The following TTC23L variants were observed in gnomAD, a reference collection of about 807,000 sequenced individuals.
TTC23L encodes the protein tetratricopeptide repeat domain 23 like, also known as tetratricopeptide repeat protein 23-like.
Under a neutral mutation model 48.1 loss-of-function variants are expected in TTC23L, and 42 were observed. The ratio of observed to expected loss-of-function variants is 0.87; its 90% CI spans 0.68 to 1.13. The LOEUF (loss-of-function observed/expected upper bound fraction) is 1.13, where lower values mean the gene tolerates loss of function less well. Ranked by LOEUF, TTC23L falls within the 50% of genes most tolerant of loss-of-function variation. The probability of loss-of-function intolerance (pLI) is 0.00; values close to 1 mark genes in which losing one functional copy is unlikely to be tolerated. For synonymous variants in TTC23L, 159 were observed against 157.2 expected (o/e 1.01, Z -0.09); for missense variants, 391 against 421.0 (o/e 0.93, Z 0.62).
At chr5:34,925,544 A>T in the TTC23L span, 2 of 1,504,672 alleles carry the variant, frequency 1.3e-6, no homozygotes, top group Admixed American at 3.9e-5. Flanking sequence ...TTTATTTTGT[A>T]TTCAATGTGT....
chr5:34,870,670 C>A (rs960016547), intron 8 of TTC23L, among the ~76,000 whole-genome samples: 3 of 152,152 alleles, frequency 2.0e-5, no homozygotes, highest in African/African-American at 7.2e-5. Flanking sequence ...CAGTTCAAGA[C>A]CTTTCATGTG....
chr5:34,894,103 G>GAA (rs1455990465), intron 9 of TTC23L, among the ~76,000 whole-genome samples: 2 of 152,164 alleles, frequency 1.3e-5, no homozygotes, highest in African/African-American at 2.4e-5. Flanking sequence ...GATATGTTGG[G>GAA]AAAAGTTAAT....
At chr5:34,913,552 A>C in the TTC23L span, 8 of 1,597,362 alleles carry the variant, frequency 5.0e-6, no homozygotes, top group Middle Eastern at 1.7e-4. Flanking sequence ...ACTCTTCCTG[A>C]ACTTTAAACT....
At chr5:34,874,058 G>A (rs979792753) in intron 8 of TTC23L, among the ~76,000 whole-genome samples, 1 of 152,112 alleles carries the variant, frequency 6.6e-6, no homozygotes, top group East Asian at 1.9e-4. Context: ...CAAGTAAAAA[G>A]CAAAATGAAA....
At chr5:34,924,167 T>A in the TTC23L span, among the ~76,000 whole-genome samples, 2 of 152,114 alleles carry the variant, frequency 1.3e-5, no homozygotes, top group Non-Finnish European at 2.9e-5. Flanking sequence ...ACTCTAGAAA[T>A]CTTGAAGCAG....
chr5:34,903,172 T>C (rs1242017046), downstream of TTC23L, among the ~76,000 whole-genome samples: 2 of 152,192 alleles, frequency 1.3e-5, no homozygotes, highest in East Asian at 1.9e-4. Context: ...AGTTTTTCTT[T>C]ATTGTCAGTG....
chr5:34,852,612 T>G (rs1759768411), intron 4 of TTC23L, among the ~76,000 whole-genome samples: 1 of 152,028 alleles, frequency 6.6e-6, no homozygotes, highest in Non-Finnish European at 1.5e-5. Context: ...ACCTAAAATG[T>G]AGAATGGGTG....
At chr5:34,907,431 C>T in the TTC23L span, 1 of 152,218 alleles carries the variant, frequency 6.6e-6, no homozygotes, top group Non-Finnish European at 1.5e-5. Context: ...CATGGAGGGA[C>T]ACTCAGCTGT....
chr5:34,918,465 T>C, the TTC23L span: 1 of 1,594,268 alleles, frequency 6.3e-7, no homozygotes, highest in Non-Finnish European at 8.6e-7. Context: ...TGATGCCTCA[T>C]TCTAAAGCAG....
At chr5:34,909,430 C>A in the TTC23L span, 1 of 1,039,842 alleles carries the variant, frequency 9.6e-7, no homozygotes, top group Non-Finnish European at 1.5e-6. Flanking sequence ...AAAGAAAACA[C>A]TTCCTTAAGA....
At chr5:34,859,139 T>A (rs958164030) in intron 4 of TTC23L, among the ~76,000 whole-genome samples, 1 of 152,178 alleles carries the variant, frequency 6.6e-6, no homozygotes, top group Non-Finnish European at 1.5e-5. Flanking sequence ...GGGTGGTTTT[T>A]AGTAGCTCCT....
the TTC23L span, chr5:34,918,477 T>TG: frequency 6.4e-7 from 1 of 1,557,884 alleles, no homozygotes; most frequent in Admixed American, 1.8e-5. Context: ...CTAAAGCAGG[T>TG]GCCTTTATAT....
intron 3 of TTC23L, among the ~76,000 whole-genome samples, chr5:34,849,422 G>A (rs754242146): frequency 6.6e-6 from 1 of 152,144 alleles, no homozygotes; most frequent in African/African-American, 2.4e-5. Flanking sequence ...CCATGAGGAC[G>A]CAGTCATCAA....
chr5:34,857,157 C>G (rs1236625756), intron 4 of TTC23L, among the ~76,000 whole-genome samples: 1 of 152,136 alleles, frequency 6.6e-6, no homozygotes, highest in Non-Finnish European at 1.5e-5. Flanking sequence ...GGCCCACTGC[C>G]CTGGTGATGA....
At chr5:34,912,286 A>AT in the TTC23L span, among the ~76,000 whole-genome samples, 1 of 152,246 alleles carries the variant, frequency 6.6e-6, no homozygotes, top group African/African-American at 2.4e-5. Context: ...GATATTCTTT[A>AT]TATTTCCTCG....
chr5:34,915,925 C>T, the TTC23L span: 1 of 1,512,466 alleles, frequency 6.6e-7, no homozygotes, highest in South Asian at 1.3e-5. Flanking sequence ...CGGGCTACAC[C>T]TGCGGCGGCG....
intron 5 of TTC23L, 101 bp from the exon 6 acceptor site, chr5:34,864,336 T>C: frequency 7.1e-7 from 1 of 1,399,922 alleles, no homozygotes; most frequent in Non-Finnish European, 9.7e-7. Context: ...TTTTTAATAT[T>C]GCTTCACTTT....
the TTC23L span, chr5:34,922,445 A>G: frequency 6.4e-6 from 6 of 933,926 alleles, no homozygotes; most frequent in African/African-American, 1.7e-5. Context: ...AATTAAATGT[A>G]TAAATATTAT....
the TTC23L span, among the ~76,000 whole-genome samples, chr5:34,911,125 G>C: frequency 6.6e-6 from 1 of 152,216 alleles, no homozygotes; most frequent in Non-Finnish European, 1.5e-5. Context: ...GCACACGGTA[G>C]GTGATCAACA....
Sources: gnomAD v4.1 joint callset for allele counts (sites outside exome capture counted in the v4.1 genomes callset) on GRCh38, gnomAD v4.1.1 for gene constraint, MANE v1.5 for transcripts, NCBI Gene and HGNC (gene_info 2026-07-23, HGNC 2026-07-21) for gene names.